PKIB: variants seen among roughly 807,000 people sequenced by gnomAD.
PKIB encodes the protein PKI-beta.
Under a neutral mutation model 4.5 loss-of-function variants are expected in PKIB, and 2 were observed. That is an observed-to-expected ratio of 0.44 (90% confidence interval 0.18 to 1.39). The LOEUF (loss-of-function observed/expected upper bound fraction) is 1.39, where lower values mean the gene tolerates loss of function less well. Ranked by LOEUF, PKIB falls within the 40% of genes most tolerant of loss-of-function variation. The probability of loss-of-function intolerance (pLI) is 0.27; values close to 1 mark genes in which losing one functional copy is unlikely to be tolerated. For missense variants in PKIB, 94 were observed against 92.6 expected, an observed-to-expected ratio of 1.02 and a Z score of -0.06; for synonymous variants, 38 against 36.0, an observed-to-expected ratio of 1.06 and a Z score of -0.20.
chr6:122,696,969 G>T (rs1160401383), intron 3 of PKIB, among the ~76,000 whole-genome samples: 1 of 152,150 alleles, frequency 6.6e-6, no homozygotes, highest in East Asian at 1.9e-4. Context: ...AACACCACCT[G>T]ACCCTGAAGA....
At chr6:122,552,722 C>T (rs1314133719) in intron 2 of PKIB, among the ~76,000 whole-genome samples, 1 of 152,142 alleles carries the variant, frequency 6.6e-6, no homozygotes, top group African/African-American at 2.4e-5. Context: ...TCTGCTATCT[C>T]CCTAGAAATA....
chr6:122,629,692 T>A (rs906142263), intron 1 of PKIB, among the ~76,000 whole-genome samples: 1 of 152,168 alleles, frequency 6.6e-6, no homozygotes, highest in African/African-American at 2.4e-5. Context: ...CTTGATATGA[T>A]GTGATGAAAA....
chr6:122,680,264 G>A (rs1015944282), intron 3 of PKIB, among the ~76,000 whole-genome samples: 1 of 152,206 alleles, frequency 6.6e-6, no homozygotes, highest in Non-Finnish European at 1.5e-5. Flanking sequence ...AGTATGGATT[G>A]CCATATAGAA....
At position 122,643,300 on chromosome 6, in the gene PKIB, GTTAACTA is replaced by G. The variant is rs1449012994; in HGVS notation, c.-76+9938_-76+9944del. On this transcript the variant is annotated intron_variant, in intron 2 of 4. Transcript: ENST00000368452. ...CCATTAACCAGCTATGTAACCTGGT[GTTAACTA>G]TTAAGTTTTACTCACTTCAAATTTG... 2.0e-5 allele frequency: 3 copies of G among 152,186 alleles called. No individual in the cohort carries two copies. The East Asian group carries it at 5.8e-4, about 29-fold the overall frequency. The allele number at this position is 152,186 out of a possible 1,614,324, so 9.4% of individuals were successfully genotyped here. A position where few individuals can be genotyped will look rare whatever the true frequency, so the allele number is the denominator to read the frequency against.
chr6:122,549,429 C>G (rs1772602860), intron 2 of PKIB, among the ~76,000 whole-genome samples: 1 of 152,086 alleles, frequency 6.6e-6, no homozygotes, highest in Non-Finnish European at 1.5e-5. Flanking sequence ...GCAATGTCCT[C>G]TAATTATTTG....
intron 2 of PKIB, among the ~76,000 whole-genome samples, chr6:122,524,241 C>T (rs1389506385): frequency 4.1e-5 from 6 of 147,790 alleles, no homozygotes; most frequent in Non-Finnish European, 6.0e-5. Flanking sequence ...TCCTCATCCT[C>T]CTTCTTTTTC....
chr6:122,488,290 T>C (rs945234279), intron 2 of PKIB, among the ~76,000 whole-genome samples: 1 of 152,162 alleles, frequency 6.6e-6, no homozygotes, highest in African/African-American at 2.4e-5. Context: ...TTCTGTTTAT[T>C]TAATGAGTTT....
At chr6:122,580,834 CA>C (rs1407921571) in intron 2 of PKIB, among the ~76,000 whole-genome samples, 2 of 152,148 alleles carry the variant, frequency 1.3e-5, no homozygotes, top group Admixed American at 6.5e-5. Flanking sequence ...TTGTTTTTAC[CA>C]AATTGCACTG....
chr6:122,567,689 A>G (rs1029092742), intron 2 of PKIB, among the ~76,000 whole-genome samples: 2 of 152,252 alleles, frequency 1.3e-5, no homozygotes, highest in Non-Finnish European at 2.9e-5. Context: ...GAACTCTTAT[A>G]AAACAACATA....
At chr6:122,486,718 C>T (rs1187576931) in intron 2 of PKIB, among the ~76,000 whole-genome samples, 1 of 152,080 alleles carries the variant, frequency 6.6e-6, no homozygotes, top group Non-Finnish European at 1.5e-5. Context: ...TTTATTAATA[C>T]ATTTTTAATT....
intron 1 of PKIB, among the ~76,000 whole-genome samples, chr6:122,627,112 G>C (rs1351621152): frequency 6.6e-6 from 1 of 151,276 alleles, no homozygotes; most frequent in Admixed American, 6.6e-5. Context: ...GCGTGCTGGC[G>C]GGCGCCTGTA....
At chr6:122,496,138 A>G (rs897189997) in intron 2 of PKIB, among the ~76,000 whole-genome samples, 7 of 152,120 alleles carry the variant, frequency 4.6e-5, no homozygotes, top group African/African-American at 1.7e-4. Context: ...GTACACAACT[A>G]CCTGCTTGTG....
intron 2 of PKIB, chr6:122,643,551 A>C (rs1776197199): frequency 6.6e-6 from 1 of 152,206 alleles, no homozygotes; most frequent in African/African-American, 2.4e-5. Flanking sequence ...AGTTTCACTT[A>C]ATGTTCTTAA....
At chr6:122,545,532 T>C (rs931538352) in intron 2 of PKIB, among the ~76,000 whole-genome samples, 1 of 151,558 alleles carries the variant, frequency 6.6e-6, no homozygotes, top group African/African-American at 2.4e-5. Context: ...ACAGATTATT[T>C]TGTCACCAAG....
intron 2 of PKIB, among the ~76,000 whole-genome samples, chr6:122,672,526 T>C: frequency 6.6e-6 from 1 of 152,168 alleles, no homozygotes; most frequent in African/African-American, 2.4e-5. Context: ...TGATATGTCT[T>C]AGCTTCCATG....
At chr6:122,516,545 G>A (rs949326313) in intron 2 of PKIB, among the ~76,000 whole-genome samples, 3 of 152,086 alleles carry the variant, frequency 2.0e-5, no homozygotes, top group African/African-American at 7.2e-5. Context: ...TATTTACTAG[G>A]TGACTAATCC....
chr6:122,690,940 T>A (rs200624731), intron 3 of PKIB, among the ~76,000 whole-genome samples: 16 of 148,416 alleles, frequency 1.1e-4, no homozygotes, highest in African/African-American at 4.0e-4. Context: ...ATATTTTTTT[T>A]TTTTTTTGCC....
At chr6:122,504,906 T>C (rs1044531706) in intron 2 of PKIB, among the ~76,000 whole-genome samples, 3 of 152,092 alleles carry the variant, frequency 2.0e-5, no homozygotes, top group African/African-American at 7.2e-5. Context: ...AACAAAGGAA[T>C]GAGAAGAGAC....
chr6:122,627,607 T>C (rs943796508), intron 1 of PKIB, among the ~76,000 whole-genome samples: 5 of 152,186 alleles, frequency 3.3e-5, no homozygotes, highest in Admixed American at 2.6e-4. Context: ...CTCTTTTTTC[T>C]CCCTACCCAA....
Sources: allele counts gnomAD v4.1 joint callset (sites outside exome capture counted in the v4.1 genomes callset), GRCh38; gene constraint gnomAD v4.1.1; transcripts MANE v1.5; gene names NCBI Gene and HGNC (gene_info 2026-07-23, HGNC 2026-07-21).